Variants in ALK observed in about 807,000 individuals in gnomAD.
ALK encodes ALK receptor tyrosine kinase.
ALK carries 74 observed loss-of-function variants against 163.1 expected under a neutral mutation model. The observed-to-expected ratio is 0.45, with a 90% CI of 0.38 to 0.55. The LOEUF (loss-of-function observed/expected upper bound fraction) is 0.55, where lower values mean the gene tolerates loss of function less well. ALK is among the 20% of genes least tolerant of loss of function. The pLI is 0.00. For missense variants in ALK, 2,063 were observed against 2,105.3 expected (o/e 0.98, Z 0.39); for synonymous variants, 960 against 843.2 (o/e 1.14, Z -2.40).
rs1187464179 is a variant in ALK, at chr2:29,920,439, G to A, written c.221C>T (p.Pro74Leu). Residue 74 changes from proline (P) to leucine (L), a missense_variant, in exon 1 of 29, where the codon CCA becomes CTA. Pro to Leu is a moderately conservative substitution (Grantham distance 98). Coordinates refer to ENST00000389048, the MANE Select transcript of ALK (RefSeq NM_004304.5). Reference sequence around the variant, plus strand: ...AGCCTTCAGCTCCGAGGAGGATGGTGGCAGCAGTAGGTCCCGGGCGTAGAC... The same window carrying A: ...AGCCTTCAGCTCCGAGGAGGATGGTAGCAGCAGTAGGTCCCGGGCGTAGAC... Reference protein sequence around the residue: ...FRVYARDLLLPPSSSELKAGR... With the variant: ...FRVYARDLLLLPSSSELKAGR... 17 of 1,608,166 alleles carry A rather than the reference G, an allele frequency of 1.1e-5. No homozygotes were observed. In the Middle Eastern group the frequency reaches 4.9e-4, roughly 47 times the overall value.
chr2:29,203,932 T>C (rs188167102), intron 26 of ALK, among the ~76,000 whole-genome samples: 11 of 152,242 alleles, frequency 7.2e-5, no homozygotes, highest in African/African-American at 2.6e-4. Flanking sequence ...GGGACTCCTA[T>C]TTTGTCAGCT....
intron 5 of ALK, among the ~76,000 whole-genome samples, chr2:29,361,852 G>A (rs1668395688): frequency 6.6e-6 from 1 of 152,164 alleles, no homozygotes; most frequent in Non-Finnish European, 1.5e-5. Context: ...GGCTTAACTT[G>A]GTTTATGCCC....
intron 5 of ALK, among the ~76,000 whole-genome samples, chr2:29,358,466 T>A (rs2148284861): frequency 1.3e-5 from 2 of 152,310 alleles, no homozygotes; most frequent in East Asian, 3.9e-4. Flanking sequence ...GGCCTATGGT[T>A]CAGTCTAAGG....
At chr2:29,371,170 T>G (rs184758825) in intron 5 of ALK, among the ~76,000 whole-genome samples, 107 of 152,326 alleles carry the variant, frequency 7.0e-4, no homozygotes, top group African/African-American at 2.5e-3. Flanking sequence ...AGCAACTGTC[T>G]GCCAATGTTT....
intron 13 of ALK, 91 bp from the exon 14 acceptor site, chr2:29,233,787 T>G (rs1573141936): frequency 1.3e-6 from 2 of 1,557,558 alleles, no homozygotes; most frequent in East Asian, 4.5e-5. Context: ...AAACAGGATC[T>G]GACTCTCTCT....
intron 3 of ALK, among the ~76,000 whole-genome samples, chr2:29,559,673 G>T (rs1558384057): frequency 7.6e-6 from 1 of 131,402 alleles, no homozygotes; most frequent in African/African-American, 2.5e-5. Context: ...GCAACATTCT[G>T]TAAAGGCAAA....
intron 1 of ALK, among the ~76,000 whole-genome samples, chr2:29,853,183 T>C (rs528585981): frequency 6.6e-6 from 1 of 152,130 alleles, no homozygotes; most frequent in African/African-American, 2.4e-5. Flanking sequence ...ATCATCAATA[T>C]GGTTGACAAC....
At chr2:29,652,330 T>C (rs562945809) in intron 3 of ALK, among the ~76,000 whole-genome samples, 4 of 152,272 alleles carry the variant, frequency 2.6e-5, no homozygotes, top group African/African-American at 7.2e-5. Context: ...GCTTGGTTAA[T>C]GAAGGAGTAA....
At chr2:29,847,891 G>A (rs1665886277) in intron 1 of ALK, among the ~76,000 whole-genome samples, 2 of 151,858 alleles carry the variant, frequency 1.3e-5, no homozygotes, top group Admixed American at 1.3e-4. Flanking sequence ...GAGGATGAGG[G>A]TGGGGGAGGT....
intron 1 of ALK, among the ~76,000 whole-genome samples, chr2:29,808,896 C>A (rs1052183527): frequency 2.6e-5 from 4 of 152,186 alleles, no homozygotes; most frequent in African/African-American, 7.2e-5. Flanking sequence ...GTTAAAGGGA[C>A]CATTATTCAT....
At chr2:29,914,785 T>C (rs1423381936) in intron 1 of ALK, among the ~76,000 whole-genome samples, 1 of 152,234 alleles carries the variant, frequency 6.6e-6, no homozygotes, top group African/African-American at 2.4e-5. Flanking sequence ...CCTATTGACA[T>C]GTCTTGCTCT....
chr2:29,817,777 T>C (rs79065123), intron 1 of ALK, among the ~76,000 whole-genome samples: 4,323 of 152,116 alleles, frequency 0.028, 213 homozygotes, highest in African/African-American at 0.098. Flanking sequence ...TAAACAAAAG[T>C]AATGAAGAGA....
chr2:29,845,853 G>A (rs774988695), intron 1 of ALK, among the ~76,000 whole-genome samples: 2 of 152,152 alleles, frequency 1.3e-5, no homozygotes, highest in Non-Finnish European at 2.9e-5. Context: ...GACAGATTCT[G>A]GGAACTGTGA....
chr2:29,491,803 C>A (rs10168248), intron 4 of ALK, among the ~76,000 whole-genome samples: 1 of 151,934 alleles, frequency 6.6e-6, no homozygotes, highest in South Asian at 2.1e-4. Context: ...GTGCTGAGAA[C>A]CCAGGCTCGG....
At chr2:29,229,137 C>A in intron 15 of ALK, 71 bp from the exon 16 acceptor site, 1 of 1,481,824 alleles carries the variant, frequency 6.7e-7, no homozygotes, top group Non-Finnish European at 9.4e-7. Context: ...GCCAGAGAAG[C>A]AGGATGCAGG....
rs1191269101 is a variant in ALK, at chr2:29,851,049, GC to G, written c.667+68943del. Among the ~76,000 whole-genome samples the G allele has an allele frequency of 1.1e-4, 16 of 152,326 alleles. No individual in the cohort carries two copies. The East Asian group carries it at 3.1e-3, about 29-fold the overall frequency. The stretch of plus-strand genomic sequence containing the variant: ...CCTCCTTCATAGTGCCTAGCACAGT[GC>G]CAAACACATAATTTGTGTTTAATAT... On this transcript the variant is annotated intron_variant, in intron 1 of 28. Transcript: ENST00000389048.
chr2:29,370,063 CAAGA>C (rs1013927746), intron 5 of ALK, among the ~76,000 whole-genome samples: 1 of 152,114 alleles, frequency 6.6e-6, no homozygotes, highest in Non-Finnish European at 1.5e-5. Flanking sequence ...CGTGCACTAA[CAAGA>C]AAGAAAGACA....
intron 3 of ALK, among the ~76,000 whole-genome samples, chr2:29,656,407 T>G (rs1194575932): frequency 6.6e-6 from 1 of 152,182 alleles, no homozygotes; most frequent in Non-Finnish European, 1.5e-5. Flanking sequence ...ACTGTAAGCA[T>G]GTATTTAAAC....
chr2:29,792,188 G>A (rs140480626), intron 1 of ALK, among the ~76,000 whole-genome samples: 2,544 of 152,296 alleles, frequency 0.017, 44 homozygotes, highest in South Asian at 0.052. Context: ...TATACATTAG[G>A]TATTTTATAA....
Sources: allele counts gnomAD v4.1 joint callset (sites outside exome capture counted in the v4.1 genomes callset), GRCh38; gene constraint gnomAD v4.1.1; transcripts MANE v1.5; gene names NCBI Gene and HGNC (gene_info 2026-07-23, HGNC 2026-07-21).